PPM1D: variants seen among roughly 807,000 people sequenced by gnomAD.
PPM1D encodes protein phosphatase, Mg2+/Mn2+ dependent 1D.
Under a neutral mutation model 58.3 loss-of-function variants are expected in PPM1D, and 52 were observed. That is an observed-to-expected ratio of 0.89 (90% CI 0.71 to 1.12). PPM1D has a LOEUF of 1.12. Ranked by LOEUF, PPM1D falls within the 50% of genes most tolerant of loss-of-function variation. The probability of loss-of-function intolerance (pLI) is 0.00; values close to 1 mark genes in which losing one functional copy is unlikely to be tolerated. For synonymous variants in PPM1D, 278 were observed against 285.1 expected (o/e 0.98, Z 0.25); for missense variants, 564 against 777.2 (o/e 0.73, Z 3.26).
intron 5 of PPM1D, chr17:60,657,044 T>A: frequency 6.8e-7 from 1 of 1,476,286 alleles, no homozygotes. Flanking sequence ...AATAAAAAGG[T>A]GATTGTGGGC....
rs145410676 is a variant in PPM1D at position 60,656,650 on chromosome 17, C to T, written c.1069C>T (p.Arg357Cys). ...AKMLVNRALG[R>C]WRQRMLRADN... ...AATGCTTGTGAATCGAGCATTGGGC[C>T]GCTGGAGGCAGCGTATGCTCCGAGC... Residue 357 changes from arginine (R) to cysteine (C), a missense_variant, in exon 5 of 6, where the codon CGC becomes TGC. Transcript: ENST00000305921. 8.1e-6 allele frequency: 13 copies of T among 1,613,976 alleles called. No homozygotes were observed. Among genetic ancestry groups the T allele is most frequent in the African/African-American group, 2.7e-5 (2 of 74,916 alleles).
intron 2 of PPM1D, among the ~76,000 whole-genome samples, chr17:60,630,544 C>CACTG (rs1386350014): frequency 6.6e-6 from 1 of 152,176 alleles, no homozygotes. Flanking sequence ...GCTGCTCAGT[C>CACTG]AGCTCTCTGC....
At chr17:60,661,581 A>G (rs1258008724) in intron 5 of PPM1D, among the ~76,000 whole-genome samples, 1 of 152,198 alleles carries the variant, frequency 6.6e-6, no homozygotes, top group Non-Finnish European at 1.5e-5. Flanking sequence ...CTAGATTGAC[A>G]TGAAGCGTTG....
At chr17:60,629,973 G>T (rs547702379) in intron 2 of PPM1D, among the ~76,000 whole-genome samples, 1 of 152,274 alleles carries the variant, frequency 6.6e-6, no homozygotes, top group South Asian at 2.1e-4. Context: ...CTGGGAGGCA[G>T]AGGTTGCAGT....
chr17:60,642,207 G>T (rs1487052421), intron 3 of PPM1D, among the ~76,000 whole-genome samples: 3 of 152,116 alleles, frequency 2.0e-5, no homozygotes, highest in Non-Finnish European at 4.4e-5. Flanking sequence ...TTGTTGAAAG[G>T]TCAGATTCTA....
intron 3 of PPM1D, among the ~76,000 whole-genome samples, chr17:60,645,284 G>A (rs890466117): frequency 6.6e-6 from 1 of 151,950 alleles, no homozygotes; most frequent in African/African-American, 2.4e-5. Flanking sequence ...AACCCAGGAG[G>A]CAGAGGTTGC....
At chr17:60,627,979 G>T (rs1028474674) in intron 2 of PPM1D, among the ~76,000 whole-genome samples, 3 of 151,058 alleles carry the variant, frequency 2.0e-5, no homozygotes, top group Non-Finnish European at 4.4e-5. Flanking sequence ...TCTGCTTCCT[G>T]GGTTCTCAGC....
chr17:60,663,758 A>T lies in PPM1D; in HGVS notation c.*206A>T. ...TAGATGTTAGGGTATAAGTTGCTGT[A>T]AAATTTGTGTAAATTTGTATCCACA... On this transcript the variant is annotated 3_prime_UTR_variant, in exon 6 of 6. Transcript: ENST00000305921. The T allele has an allele frequency of 1.8e-6, 1 of 562,328 alleles. No individual in the cohort carries two copies. Among genetic ancestry groups the T allele is most frequent in the South Asian group, 2.3e-5 (1 of 42,612 alleles). The allele number at this position is 562,328 out of a possible 1,614,324, so 34.8% of individuals were successfully genotyped here.
At chr17:60,620,438 TTTG>T (rs2143648897) in intron 1 of PPM1D, among the ~76,000 whole-genome samples, 1 of 152,320 alleles carries the variant, frequency 6.6e-6, no homozygotes, top group Admixed American at 6.5e-5. Context: ...GCCTTTTCAT[TTTG>T]TTGATGGTTT....
intron 3 of PPM1D, among the ~76,000 whole-genome samples, chr17:60,636,476 T>C (rs1027166500): frequency 5.9e-5 from 9 of 152,172 alleles, no homozygotes; most frequent in African/African-American, 1.9e-4. Context: ...GTAGGACACA[T>C]ACTGTGTTAG....
At chr17:60,604,755 A>G (rs1349186845) in intron 1 of PPM1D, 2 of 152,264 alleles carry the variant, frequency 1.3e-5, no homozygotes, top group East Asian at 3.9e-4. Context: ...AAAAGTAGGT[A>G]TTCATGGGTT....
chr17:60,636,464 A>G (rs2031023417), intron 3 of PPM1D, among the ~76,000 whole-genome samples: 1 of 152,210 alleles, frequency 6.6e-6, no homozygotes, highest in African/African-American at 2.4e-5. Context: ...TAAAATAACT[A>G]AGTAGGACAC....
At chr17:60,602,230 T>C (rs1235813120) in intron 1 of PPM1D, among the ~76,000 whole-genome samples, 1 of 152,132 alleles carries the variant, frequency 6.6e-6, no homozygotes. Context: ...CTGTAGTGTA[T>C]TGTAGAAATA....
Position 60,663,541 on chromosome 17 carries a change from T to C in PPM1D, c.1807T>C (p.Cys603Arg). 6.2e-7 allele frequency: 1 copy of C among 1,606,278 alleles called. No homozygotes were observed. Among genetic ancestry groups the C allele is most frequent in the Non-Finnish European group, 8.5e-7 (1 of 1,178,404 alleles). Reference protein sequence around the residue: ...PLLHQHRKTVCVC With the variant: ...PLLHQHRKTVRVC Reference sequence around the variant, plus strand: ...ACTTCATCAACACAGGAAAACTGTTTGTGTTTGCTGAAATGCATCTGGGAA... The same window carrying C: ...ACTTCATCAACACAGGAAAACTGTTCGTGTTTGCTGAAATGCATCTGGGAA... Residue 603 changes from cysteine to arginine, a missense_variant, in exon 6 of 6, where the codon TGT (cysteine) becomes CGT (arginine). Cys to Arg is a radical substitution (Grantham distance 180). Coordinates refer to ENST00000305921, the MANE Select transcript of PPM1D (RefSeq NM_003620.4).
At chr17:60,626,457 C>T (rs1490229324) in intron 2 of PPM1D, among the ~76,000 whole-genome samples, 4 of 150,736 alleles carry the variant, frequency 2.7e-5, no homozygotes, top group Non-Finnish European at 4.4e-5. Flanking sequence ...TGCAGTGGCG[C>T]GATCTCGGCT....
At chr17:60,653,614 C>T (rs1302054654) in intron 4 of PPM1D, among the ~76,000 whole-genome samples, 1 of 152,136 alleles carries the variant, frequency 6.6e-6, no homozygotes, top group African/African-American at 2.4e-5. Context: ...CTTTAAATTG[C>T]TTTGGGTAGT....
At chr17:60,643,862 G>A (rs1427171934) in intron 3 of PPM1D, among the ~76,000 whole-genome samples, 2 of 148,040 alleles carry the variant, frequency 1.4e-5, no homozygotes, top group Non-Finnish European at 3.0e-5. Flanking sequence ...AGGTCATTGT[G>A]CAATAGAACT....
rs548776023 is a variant in PPM1D, at chr17:60,656,834, C to A, written c.1253C>A (p.Pro418Gln). Residue 418 changes from proline (P) to glutamine (Q), a missense_variant, in exon 5 of 6, where the codon CCA (proline) becomes CAA (glutamine). Physicochemically the swap from Pro to Gln is moderately conservative, Grantham distance 76 (BLOSUM62 -1). Around this residue, in one of 7 missense-constraint regions of PPM1D, gnomAD observed 261 missense variants for 270.1 expected, o/e 0.97. Transcript: ENST00000305921. The part of the protein sequence containing the change: ...VMTPSPCSTP[P>Q]VKSLEEDPWP... ...ACTCCTTCCCCATGTTCTACACCAC[C>A]AGTCAAGGTATATAGTTCCATAGTT... 4 of 1,614,046 alleles carry A rather than the reference C, an allele frequency of 2.5e-6. No homozygotes were observed. In the South Asian group the frequency reaches 4.4e-5, roughly 18 times the overall value.
rs1035507479 is a variant in PPM1D at position 60,666,108 on chromosome 17, T to C, written c.*2556T>C. 10 of 152,320 alleles carry C rather than the reference T, an allele frequency of 6.6e-5. No individual in the cohort carries two copies. The highest frequency in any genetic ancestry group is 3.9e-4 in the Admixed American group (6 of 15,292). The allele number at this position is 152,320 out of a possible 1,614,324, so 9.4% of individuals were successfully genotyped here. A position where few individuals can be genotyped will look rare whatever the true frequency, so the allele number is the denominator to read the frequency against. On this transcript the variant is annotated 3_prime_UTR_variant, in exon 6 of 6. Coordinates refer to ENST00000305921, the MANE Select transcript of PPM1D (RefSeq NM_003620.4). ...AACCTGGAAGTTAAAAGCATTGATA[T>C]TCTGAAATACAGCGTGTATAACATT...
Sources: gnomAD v4.1 joint callset for allele counts (sites outside exome capture counted in the v4.1 genomes callset) on GRCh38, gnomAD v4.1.1 for gene constraint, gnomAD v4.1.1 regional missense constraint, MANE v1.5 for transcripts, NCBI Gene and HGNC (gene_info 2026-07-23, HGNC 2026-07-21) for gene names.